The following BLTP1 variants were observed in gnomAD, a reference collection of about 807,000 sequenced individuals.
BLTP1 encodes bridge-like lipid transfer protein family member 1.
the BLTP1 span, chr4:122,251,374 T>G: frequency 1.1e-6 from 1 of 946,992 alleles, no homozygotes; most frequent in Non-Finnish European, 1.3e-6. Context: ...AATTAGGAAG[T>G]CTAGTATGGG....
At chr4:122,336,778 G>A in the BLTP1 span, 1 of 1,303,738 alleles carries the variant, frequency 7.7e-7, no homozygotes, top group Non-Finnish European at 1.0e-6. Context: ...ATGTTTCCGG[G>A]TGTTCATACC....
chr4:122,224,407 T>G, the BLTP1 span: 1 of 1,311,234 alleles, frequency 7.6e-7, no homozygotes, highest in African/African-American at 1.5e-5. Flanking sequence ...GAGTTTATTG[T>G]TCATCTCTGC....
the BLTP1 span, chr4:122,347,309 G>C: frequency 1.1e-6 from 1 of 898,574 alleles, no homozygotes; most frequent in Non-Finnish European, 1.3e-6. Context: ...TGTAAACTGA[G>C]ACCAGAGGTC....
chr4:122,166,610 G>C, the BLTP1 span, among the ~76,000 whole-genome samples: 5 of 152,140 alleles, frequency 3.3e-5, no homozygotes, highest in Non-Finnish European at 7.3e-5. Flanking sequence ...ATTCTGTGAG[G>C]AAAGTCATTG....
chr4:122,203,981 G>A, the BLTP1 span: 68 of 271,772 alleles, frequency 2.5e-4, no homozygotes, highest in African/African-American at 1.4e-3. Flanking sequence ...ACTAGCAATC[G>A]TATCTCAATC....
chr4:122,267,250 G>A, the BLTP1 span, among the ~76,000 whole-genome samples: 13 of 151,602 alleles, frequency 8.6e-5, no homozygotes, highest in African/African-American at 1.9e-4. Flanking sequence ...TAGTAGAGAC[G>A]GGGTTTCACT....
At chr4:122,189,591 AT>A in the BLTP1 span, 5 of 889,610 alleles carry the variant, frequency 5.6e-6, no homozygotes, top group African/African-American at 5.4e-5. Flanking sequence ...TCAAATTTTA[AT>A]TTTGTTGTAA....
the BLTP1 span, chr4:122,271,395 G>T: frequency 3.1e-6 from 5 of 1,613,730 alleles, no homozygotes; most frequent in Non-Finnish European, 3.4e-6. Context: ...TTTAGCCGCA[G>T]TTCTAGAGGA....
At chr4:122,166,218 A>G in the BLTP1 span, among the ~76,000 whole-genome samples, 1 of 152,094 alleles carries the variant, frequency 6.6e-6, no homozygotes, top group Non-Finnish European at 1.5e-5. Context: ...TCTAACGTTT[A>G]AGTCTTTAAT....
At chr4:122,153,996 A>G in the BLTP1 span, 2 of 984,864 alleles carry the variant, frequency 2.0e-6, no homozygotes, top group East Asian at 2.3e-4. Flanking sequence ...AATACCTTGT[A>G]TAATTAGTTA....
chr4:122,267,051 ATTTTTTTT>A, the BLTP1 span: 731 of 152,168 alleles, frequency 4.8e-3, 8 homozygotes, highest in African/African-American at 0.029. Flanking sequence ...TAAGGAAGTA[ATTTTTTTT>A]TTTTTTTTTT....
the BLTP1 span, chr4:122,347,517 A>G: frequency 6.9e-6 from 11 of 1,605,414 alleles, no homozygotes; most frequent in East Asian, 1.6e-4. Context: ...TTTGTTTTCT[A>G]CTAGCATCTG....
chr4:122,241,882 G>A, the BLTP1 span, among the ~76,000 whole-genome samples: 1 of 152,092 alleles, frequency 6.6e-6, no homozygotes, highest in Non-Finnish European at 1.5e-5. Flanking sequence ...TGATTAGGCA[G>A]TCAAATCTCT....
the BLTP1 span, among the ~76,000 whole-genome samples, chr4:122,355,585 A>ATG: frequency 2.0e-5 from 3 of 148,584 alleles, no homozygotes; most frequent in African/African-American, 7.3e-5. Flanking sequence ...ATATAAATAT[A>ATG]TGTATATATA....
the BLTP1 span, chr4:122,242,860 G>T: frequency 3.4e-6 from 2 of 579,778 alleles, no homozygotes; most frequent in South Asian, 6.6e-5. Context: ...TATTTGATTT[G>T]CTTAATTTGT....
chr4:122,342,946 T>C, the BLTP1 span, among the ~76,000 whole-genome samples: 1 of 152,304 alleles, frequency 6.6e-6, no homozygotes, highest in South Asian at 2.1e-4. Context: ...ACAAGGACAC[T>C]TGGCTCTCTA....
the BLTP1 span, chr4:122,173,182 C>T: frequency 1.9e-6 from 3 of 1,598,116 alleles, no homozygotes; most frequent in South Asian, 3.4e-5. Context: ...GAATTTTTTT[C>T]TTCCTTATAA....
the BLTP1 span, chr4:122,257,329 T>C: frequency 1.9e-6 from 3 of 1,614,120 alleles, no homozygotes; most frequent in Non-Finnish European, 2.5e-6. Context: ...TGAAGTTTAT[T>C]GTGGTGACAC....
the BLTP1 span, chr4:122,162,629 C>A: frequency 1.0e-6 from 1 of 985,090 alleles, no homozygotes; most frequent in Non-Finnish European, 1.2e-6. Flanking sequence ...TCAGCTATCA[C>A]CCTAGGGTCA....
Sources: allele counts gnomAD v4.1 joint callset (sites outside exome capture counted in the v4.1 genomes callset), GRCh38; gene constraint gnomAD v4.1.1; transcripts MANE v1.5; gene names NCBI Gene and HGNC (gene_info 2026-07-23, HGNC 2026-07-21).